TRAPPC9: variants seen among roughly 807,000 people sequenced by gnomAD.
TRAPPC9 encodes IKK2 binding protein.
A neutral mutation model predicts 124.0 loss-of-function variants in TRAPPC9; 83 were observed. The ratio of observed to expected loss-of-function variants is 0.67; its 90% CI spans 0.56 to 0.80. The LOEUF (loss-of-function observed/expected upper bound fraction) is 0.80. Among genes scored for constraint, TRAPPC9 ranks in the 30% least tolerant of loss-of-function variants. The pLI, the probability that TRAPPC9 is intolerant of heterozygous loss-of-function variation, is 0.00. For synonymous variants in TRAPPC9, 638 were observed against 617.5 expected (o/e 1.03, Z -0.49); for missense variants, 1,302 against 1,508.3 (o/e 0.86, Z 2.27).
chr8:139,977,571 T>C (rs1428383942), intron 19 of TRAPPC9, among the ~76,000 whole-genome samples: 2 of 145,932 alleles, frequency 1.4e-5, no homozygotes, highest in Non-Finnish European at 3.0e-5. Context: ...AGAGCGGAGA[T>C]CGCGCCACTG....
At chr8:139,766,733 G>A (rs1820608527) in intron 21 of TRAPPC9, among the ~76,000 whole-genome samples, 1 of 152,148 alleles carries the variant, frequency 6.6e-6, no homozygotes, top group Non-Finnish European at 1.5e-5. Context: ...GTCACTCACT[G>A]GAGGGAGACA....
At position 139,971,647 on chromosome 8, in the gene TRAPPC9, G is replaced by A. The variant is rs192333324; in HGVS notation, c.2810+17079C>T. On this transcript the variant is annotated intron_variant, in intron 19 of 22. Coordinates refer to ENST00000438773, the MANE Select transcript of TRAPPC9 (RefSeq NM_001160372.4). ...CTCAGCTGTTTCACCAGCACCAGGC[G>A]TGCCTGGCAAGATGACATGCACTTA... Among the ~76,000 whole-genome samples the A allele has an allele frequency of 2.8e-3, 431 of 152,142 alleles. 6 individuals are homozygous for A. Among genetic ancestry groups the A allele is most frequent in the Non-Finnish European group, 2.7e-3 (181 of 68,022 alleles).
At chr8:139,937,078 G>A (rs1833580592) in intron 19 of TRAPPC9, among the ~76,000 whole-genome samples, 1 of 151,996 alleles carries the variant, frequency 6.6e-6, no homozygotes, top group Non-Finnish European at 1.5e-5. Context: ...TATAAAGCAT[G>A]GAGAGAGTGG....
chr8:140,211,682 G>C (rs1219720787), intron 17 of TRAPPC9, among the ~76,000 whole-genome samples: 1 of 152,194 alleles, frequency 6.6e-6, no homozygotes, highest in Non-Finnish European at 1.5e-5. Flanking sequence ...AAAAAACCCA[G>C]AGTTAAGCTT....
chr8:140,453,920 G>C (rs1217379488), intron 1 of TRAPPC9, among the ~76,000 whole-genome samples: 1 of 152,216 alleles, frequency 6.6e-6, no homozygotes, highest in Non-Finnish European at 1.5e-5. Flanking sequence ...AACAGAAGCT[G>C]AGAAACACCG....
chr8:139,841,698 A>G (rs914542542), intron 21 of TRAPPC9, among the ~76,000 whole-genome samples: 1 of 152,172 alleles, frequency 6.6e-6, no homozygotes, highest in African/African-American at 2.4e-5. Flanking sequence ...CAGAACCCAC[A>G]GTGCTCACAG....
At chr8:140,003,862 T>C (rs1838572039) in intron 18 of TRAPPC9, among the ~76,000 whole-genome samples, 2 of 152,168 alleles carry the variant, frequency 1.3e-5, no homozygotes, top group East Asian at 3.9e-4. Context: ...ACTAGAGAAT[T>C]GAAAACTTAA....
At chr8:140,096,168 G>C (rs969437300) in intron 17 of TRAPPC9, 4 of 152,182 alleles carry the variant, frequency 2.6e-5, no homozygotes, top group African/African-American at 9.7e-5. Flanking sequence ...CCTCCACAAA[G>C]ACAATAAATT....
chr8:140,179,992 G>GGTTTTT (rs2062159657), intron 17 of TRAPPC9, among the ~76,000 whole-genome samples: 1 of 49,114 alleles, frequency 2.0e-5, no homozygotes, highest in Non-Finnish European at 4.3e-5. Context: ...GTTATATCTT[G>GGTTTTT]ATTTTTTTTT....
intron 16 of TRAPPC9, among the ~76,000 whole-genome samples, chr8:140,239,541 G>GT (rs1418714229): frequency 6.6e-6 from 1 of 152,198 alleles, no homozygotes; most frequent in Non-Finnish European, 1.5e-5. Context: ...AAGGACCAAA[G>GT]TGCAGGTGTG....
chr8:140,379,369 A>C (rs2068538204), intron 7 of TRAPPC9, among the ~76,000 whole-genome samples: 1 of 152,078 alleles, frequency 6.6e-6, no homozygotes, highest in South Asian at 2.1e-4. Flanking sequence ...CCGTGGGTGT[A>C]GCTGTGGTCT....
intron 21 of TRAPPC9, among the ~76,000 whole-genome samples, chr8:139,822,913 G>A (rs1825351747): frequency 6.6e-6 from 1 of 152,230 alleles, no homozygotes; most frequent in African/African-American, 2.4e-5. Flanking sequence ...CAAGACCAAG[G>A]TGCCAGGAGG....
chr8:139,910,402 CATT>C (rs1184957747), intron 19 of TRAPPC9, 102 bp from the exon 20 acceptor site: 1 of 1,168,000 alleles, frequency 8.6e-7, no homozygotes, highest in African/African-American at 1.5e-5. Flanking sequence ...TATAATGAAT[CATT>C]ATCGTTAGTA....
intron 19 of TRAPPC9, among the ~76,000 whole-genome samples, chr8:139,912,704 G>A (rs1364078276): frequency 6.6e-6 from 1 of 152,252 alleles, no homozygotes; most frequent in East Asian, 1.9e-4. Context: ...ATGTTTTAAT[G>A]TGCAGGTCTG....
chr8:140,243,299 A>G (rs909389705), intron 16 of TRAPPC9, among the ~76,000 whole-genome samples: 2 of 152,240 alleles, frequency 1.3e-5, no homozygotes, highest in Non-Finnish European at 2.9e-5. Context: ...ATCTTCCTCT[A>G]CAACGAAACA....
chr8:140,173,281 A>G (rs7388520), intron 17 of TRAPPC9, among the ~76,000 whole-genome samples: 96,939 of 152,056 alleles, frequency 0.64, 31,371 homozygotes, highest in East Asian at 0.99. Context: ...GTGGCCGGGC[A>G]CAGTGGCTCA....
chr8:139,813,301 C>T (rs549502436), intron 21 of TRAPPC9, among the ~76,000 whole-genome samples: 2 of 152,334 alleles, frequency 1.3e-5, no homozygotes, highest in African/African-American at 4.8e-5. Context: ...TGCTGTGGGG[C>T]TGGTGTGGGG....
chr8:140,356,353 A>G (rs945941783), intron 9 of TRAPPC9, among the ~76,000 whole-genome samples: 4 of 152,208 alleles, frequency 2.6e-5, no homozygotes, highest in African/African-American at 9.7e-5. Flanking sequence ...CGTCATCAAA[A>G]TAAGACAAGG....
At chr8:139,838,406 A>G (rs1826496533) in intron 21 of TRAPPC9, among the ~76,000 whole-genome samples, 1 of 152,180 alleles carries the variant, frequency 6.6e-6, no homozygotes, top group Non-Finnish European at 1.5e-5. Flanking sequence ...AACCCGAAAC[A>G]CGAACAAGCA....
Sources: allele counts gnomAD v4.1 joint callset (sites outside exome capture counted in the v4.1 genomes callset), GRCh38; gene constraint gnomAD v4.1.1; transcripts MANE v1.5; gene names NCBI Gene and HGNC (gene_info 2026-07-23, HGNC 2026-07-21).